ATP10B: variants seen among roughly 807,000 people sequenced by gnomAD.
ATP10B encodes ATPase phospholipid transporting 10B (putative), also known as phospholipid-transporting ATPase VB.
A neutral mutation model predicts 141.2 loss-of-function variants in ATP10B; 122 were observed. The ratio of observed to expected loss-of-function variants is 0.86; its 90% CI spans 0.75 to 1.00. ATP10B has a LOEUF of 1.00. Ranked by LOEUF, ATP10B falls within the 50% of genes least tolerant of loss-of-function variation. The pLI is 0.00. For missense variants in ATP10B, 1,876 were observed against 1,825.3 expected (o/e 1.03, Z -0.51); for synonymous variants, 685 against 692.0 (o/e 0.99, Z 0.16).
At chr5:160,656,641 ATATATTCT>A (rs1001172044) in intron 7 of ATP10B, among the ~76,000 whole-genome samples, 77 of 152,314 alleles carry the variant, frequency 5.1e-4, no homozygotes, top group African/African-American at 1.8e-3. Flanking sequence ...TGGTTTTAAT[ATATATTCT>A]TAAATAATGG....
chr5:160,679,211 CCAGGCCAGGCTAGGCCCT>C lies in ATP10B; in HGVS notation c.470+6850_470+6867del, dbSNP rs1269551679. 3.9e-5 allele frequency among the ~76,000 whole-genome samples: 6 copies of C among 152,180 alleles called. No homozygotes were observed. In the East Asian group the frequency reaches 5.8e-4, roughly 15 times the overall value. ...CAGACAAAAGAAAACAGGTTGCAGG[CCAGGCCAGGCTAGGCCCT>C]CGGTGCTACGCTGTCAGAAAGCTGT... On this transcript the variant is annotated intron_variant, in intron 6 of 25. Transcript: ENST00000327245.
At chr5:160,627,328 T>C (rs1232827518) in intron 13 of ATP10B, among the ~76,000 whole-genome samples, 2 of 152,216 alleles carry the variant, frequency 1.3e-5, no homozygotes, top group East Asian at 1.9e-4. Context: ...TGCCCCTTCA[T>C]TGAGCTGTAA....
At chr5:160,732,587 G>T (rs1049309673) in intron 2 of ATP10B, among the ~76,000 whole-genome samples, 1 of 152,112 alleles carries the variant, frequency 6.6e-6, no homozygotes, top group African/African-American at 2.4e-5. Context: ...TCTTGGCAAC[G>T]TTGTCAAGTC....
At chr5:160,919,223 C>CAAAAAAA in the ATP10B span, among the ~76,000 whole-genome samples, 4,153 of 26,816 alleles carry the variant, frequency 0.15, 739 homozygotes, top group Non-Finnish European at 0.17. Flanking sequence ...AACTCCGTCT[C>CAAAAAAA]AAAAAAAAAA....
chr5:160,857,572 T>C, the ATP10B span, among the ~76,000 whole-genome samples: 4 of 151,830 alleles, frequency 2.6e-5, no homozygotes, highest in African/African-American at 9.7e-5. Context: ...ATTTTTATCT[T>C]CTTTTTCTAT....
intron 1 of ATP10B, among the ~76,000 whole-genome samples, chr5:160,841,933 C>A (rs970402074): frequency 2.0e-5 from 3 of 152,140 alleles, no homozygotes; most frequent in Non-Finnish European, 2.9e-5. Flanking sequence ...CCATGTTGGC[C>A]AAGGAGGTCT....
intron 2 of ATP10B, among the ~76,000 whole-genome samples, chr5:160,730,747 C>T (rs1354644973): frequency 1.3e-5 from 2 of 152,146 alleles, no homozygotes; most frequent in African/African-American, 2.4e-5. Context: ...CTGAAAACTG[C>T]ACCTTTCCAG....
chr5:160,591,690 T>C (rs6556502), intron 22 of ATP10B, among the ~76,000 whole-genome samples: 121,831 of 152,152 alleles, frequency 0.8, 48,891 homozygotes, highest in Middle Eastern at 0.87. Context: ...TCTCAGGCAT[T>C]AATCTTTGTG....
At chr5:160,877,228 A>G in the ATP10B span, among the ~76,000 whole-genome samples, 2 of 152,008 alleles carry the variant, frequency 1.3e-5, no homozygotes, top group Admixed American at 1.3e-4. Context: ...GGCTGGTTCA[A>G]TATACACAAA....
chr5:160,808,207 T>A (rs1772914827), intron 1 of ATP10B, among the ~76,000 whole-genome samples: 1 of 152,170 alleles, frequency 6.6e-6, no homozygotes, highest in African/African-American at 2.4e-5. Flanking sequence ...GTAAATCTTC[T>A]AAGGTGTGAC....
At chr5:160,641,022 T>C (rs1005084227) in intron 9 of ATP10B, among the ~76,000 whole-genome samples, 3 of 152,172 alleles carry the variant, frequency 2.0e-5, no homozygotes, top group Non-Finnish European at 4.4e-5. Flanking sequence ...TGGGATACAA[T>C]GGCAAGACAT....
intron 10 of ATP10B, 53 bp downstream of exon 10, chr5:160,640,408 T>G (rs1759749399): frequency 6.3e-7 from 1 of 1,584,092 alleles, no homozygotes; most frequent in African/African-American, 1.4e-5. Flanking sequence ...CTGAAGAAAC[T>G]TGCCCAAATA....
chr5:160,729,812 A>C (rs1766613306), intron 2 of ATP10B, among the ~76,000 whole-genome samples: 1 of 152,160 alleles, frequency 6.6e-6, no homozygotes, highest in Admixed American at 6.5e-5. Context: ...GATGGTGGAA[A>C]CAGGAGAGAG....
At chr5:160,879,614 G>C in the ATP10B span, among the ~76,000 whole-genome samples, 1 of 151,822 alleles carries the variant, frequency 6.6e-6, no homozygotes, top group Admixed American at 6.6e-5. Context: ...CAAGGTGGGT[G>C]GACGGTGAGG....
chr5:160,798,112 G>A (rs1772094258), intron 1 of ATP10B, among the ~76,000 whole-genome samples: 1 of 152,062 alleles, frequency 6.6e-6, no homozygotes, highest in Non-Finnish European at 1.5e-5. Context: ...GAGCTGAGGA[G>A]GTTGGGGAGG....
At chr5:160,640,729 A>ACCTTCTGAGGC in intron 9 of ATP10B, 137 bp from the exon 10 acceptor site, 1 of 1,204,624 alleles carries the variant, frequency 8.3e-7, no homozygotes, top group Non-Finnish European at 1.2e-6. Flanking sequence ...CCGCCTCAGA[A>ACCTTCTGAGGC]GGTTGCTGAG....
chr5:160,609,156 T>G (rs933076883), intron 18 of ATP10B, among the ~76,000 whole-genome samples: 1 of 152,162 alleles, frequency 6.6e-6, no homozygotes, highest in Non-Finnish European at 1.5e-5. Context: ...TTTACAGTGT[T>G]TCTTCATCCA....
rs561141076 is a variant in ATP10B, at chr5:160,594,453, A to G, written c.3565-3314T>C. Among the ~76,000 whole-genome samples, 31 of 152,346 alleles carry G rather than the reference A, an allele frequency of 2.0e-4. No individual in the cohort carries two copies. The South Asian group carries it at 4.8e-3, about 23-fold the overall frequency. Reference sequence around the variant, plus strand: ...AAAATCACGCCAAATTGTAAAGACCATCGAGGCTAGGAAGAAACTGCATCA... The same window carrying G: ...AAAATCACGCCAAATTGTAAAGACCGTCGAGGCTAGGAAGAAACTGCATCA... On this transcript the variant is annotated intron_variant, in intron 22 of 25. Transcript: ENST00000327245.
chr5:160,761,722 C>G (rs1769057771), intron 2 of ATP10B, among the ~76,000 whole-genome samples: 1 of 152,042 alleles, frequency 6.6e-6, no homozygotes, highest in South Asian at 2.1e-4. Flanking sequence ...GCAATGAATC[C>G]AAACCAAGAA....
Sources: gnomAD v4.1 joint callset for allele counts (sites outside exome capture counted in the v4.1 genomes callset) on GRCh38, gnomAD v4.1.1 for gene constraint, MANE v1.5 for transcripts, NCBI Gene and HGNC (gene_info 2026-07-23, HGNC 2026-07-21) for gene names.